CAPS2: variants seen among roughly 807,000 people sequenced by gnomAD.
The protein encoded by CAPS2 is calcyphosine 2.
A neutral mutation model predicts 86.5 loss-of-function variants in CAPS2; 98 were observed. The observed-to-expected ratio is 1.13, with a 90% confidence interval of 0.96 to 1.34. The LOEUF (loss-of-function observed/expected upper bound fraction) is 1.34. Ranked by LOEUF, CAPS2 falls within the 40% of genes most tolerant of loss-of-function variation. The pLI is 0.00. For synonymous variants in CAPS2, 210 were observed against 225.1 expected (o/e 0.93, Z 0.60); for missense variants, 729 against 686.8 (o/e 1.06, Z -0.69).
chr12:75,329,627 A>G (rs2041113469), upstream of CAPS2, among the ~76,000 whole-genome samples: 1 of 152,184 alleles, frequency 6.6e-6, no homozygotes, highest in Non-Finnish European at 1.5e-5. Context: ...GCCCATAAAT[A>G]AGAAAAAAAG....
intron 1 of CAPS2, chr12:75,366,989 G>A (rs1223972418): frequency 7.1e-6 from 5 of 701,642 alleles, no homozygotes; most frequent in East Asian, 2.7e-5. Flanking sequence ...GTAACAAAAT[G>A]TCCTTTCTCT....
chr12:75,305,867 C>G (rs544434701), intron 7 of CAPS2: 1 of 768,672 alleles, frequency 1.3e-6, no homozygotes, highest in Non-Finnish European at 2.3e-6. Flanking sequence ...CGGGATGCAC[C>G]GCAGAGGCTG....
intron 1 of CAPS2, among the ~76,000 whole-genome samples, chr12:75,389,753 G>T (rs1434459869): frequency 6.6e-6 from 1 of 152,038 alleles, no homozygotes; most frequent in Non-Finnish European, 1.5e-5. Context: ...TTCCAGAAAG[G>T]CTTCCCTGCT....
At chr12:75,290,486 G>C (rs1251105601) in intron 13 of CAPS2, among the ~76,000 whole-genome samples, 1 of 152,070 alleles carries the variant, frequency 6.6e-6, no homozygotes, top group East Asian at 1.9e-4. Flanking sequence ...ATACTGTATT[G>C]ACAATGATAT....
chr12:75,319,161 C>T (rs892239112), intron 5 of CAPS2, among the ~76,000 whole-genome samples: 2 of 152,016 alleles, frequency 1.3e-5, no homozygotes, highest in Non-Finnish European at 2.9e-5. Flanking sequence ...AGATTTATCA[C>T]CTTTTATAGT....
At chr12:75,332,198 G>A (rs905087018), upstream of CAPS2, among the ~76,000 whole-genome samples, 3 of 151,996 alleles carry the variant, frequency 2.0e-5, no homozygotes, top group Non-Finnish European at 4.4e-5. Context: ...TTCTGTTGTT[G>A]TTACAGGCAG....
chr12:75,345,346 A>G (rs1011770707), intron 1 of CAPS2, among the ~76,000 whole-genome samples: 3 of 152,048 alleles, frequency 2.0e-5, no homozygotes, highest in African/African-American at 7.2e-5. Context: ...AATTTTCTCA[A>G]TTTTTAAAAT....
In CAPS2 at chr12:75,377,840, GATATAT is replaced by G. The variant is rs71078726; in HGVS notation, c.-395+12992_-395+12997del. 1.8e-3 allele frequency among the ~76,000 whole-genome samples: 264 copies of G among 146,980 alleles called. 2 individuals carry two copies. The highest frequency in any genetic ancestry group is 5.9e-3 in the African/African-American group (234 of 39,764). Reference sequence around the variant, plus strand: ...TTGATACTTAATATTAACCATCACAGATATATATATATATATATATGCGTGTGTGTG... The same window carrying G: ...TTGATACTTAATATTAACCATCACAGATATATATATATATGCGTGTGTGTG... On this transcript the variant is annotated intron_variant, in intron 1 of 5. Transcript: ENST00000551829.
chr12:75,317,825 T>A (rs1217784290), intron 5 of CAPS2, among the ~76,000 whole-genome samples: 1 of 152,024 alleles, frequency 6.6e-6, no homozygotes, highest in Admixed American at 6.6e-5. Context: ...TCTGCGTATA[T>A]GTGTGTGTGT....
At chr12:75,305,795 A>C in intron 7 of CAPS2, 1 of 733,012 alleles carries the variant, frequency 1.4e-6, no homozygotes, top group South Asian at 1.3e-5. Flanking sequence ...TGTCGTCGGC[A>C]GCTACAATTA....
chr12:75,275,988 A>G, downstream of CAPS2: 1 of 392,178 alleles, frequency 2.5e-6, no homozygotes, highest in Admixed American at 4.7e-5. Flanking sequence ...CTCCAATATG[A>G]AACATTTATT....
chr12:75,360,634 T>C (rs2043514385), intron 1 of CAPS2: 2 of 152,196 alleles, frequency 1.3e-5, no homozygotes, highest in African/African-American at 4.8e-5. Flanking sequence ...CAGGCTGATA[T>C]TGAGAGCTTG....
At chr12:75,277,829 G>T in exon 17 of CAPS2, 2 of 902,544 alleles carry the variant, frequency 2.2e-6, no homozygotes, top group Non-Finnish European at 2.7e-6. Flanking sequence ...TCATAAAGTT[G>T]TCTCTTTTCT....
chr12:75,281,426 G>A (rs2138025952), intron 16 of CAPS2, among the ~76,000 whole-genome samples: 1 of 151,988 alleles, frequency 6.6e-6, no homozygotes, highest in Middle Eastern at 3.4e-3. Context: ...ATAATATACT[G>A]CAAGATAAAA....
chr12:75,329,801 T>A, upstream of CAPS2: 1 of 1,527,612 alleles, frequency 6.5e-7, no homozygotes, highest in Non-Finnish European at 8.8e-7. Context: ...TCACTCCCCC[T>A]GCTCCCAAAT....
At chr12:75,292,118 G>A (rs748338770) in intron 12 of CAPS2, among the ~76,000 whole-genome samples, 1 of 152,126 alleles carries the variant, frequency 6.6e-6, no homozygotes, top group Non-Finnish European at 1.5e-5. Context: ...CCAGGCTGGA[G>A]TGCAGTGGCG....
chr12:75,370,286 C>T, intron 1 of CAPS2: 1 of 594,572 alleles, frequency 1.7e-6, no homozygotes, highest in Non-Finnish European at 3.0e-6. Flanking sequence ...TACACTCTTG[C>T]CTGATACCTA....
intron 1 of CAPS2, among the ~76,000 whole-genome samples, chr12:75,374,429 G>A (rs1341859548): frequency 6.6e-6 from 1 of 152,168 alleles, no homozygotes; most frequent in Non-Finnish European, 1.5e-5. Context: ...TTTCACCTTA[G>A]AAGGAATATC....
chr12:75,318,390 C>T (rs145066060), intron 5 of CAPS2, among the ~76,000 whole-genome samples: 150 of 152,194 alleles, frequency 9.9e-4, no homozygotes, highest in East Asian at 4.1e-3. Context: ...CTCAAAAGAA[C>T]GAAGTAGCTT....
Sources: gnomAD v4.1 joint callset for allele counts (sites outside exome capture counted in the v4.1 genomes callset) on GRCh38, gnomAD v4.1.1 for gene constraint, MANE v1.5 for transcripts, NCBI Gene and HGNC (gene_info 2026-07-23, HGNC 2026-07-21) for gene names.